The following ZNF66 variants were observed in gnomAD, a reference collection of about 807,000 sequenced individuals.
ZNF66 encodes putative zinc finger protein 66.
In ZNF66, 32 loss-of-function variants were observed where a neutral mutation model predicts 35.2. The observed-to-expected ratio is 0.91, with a 90% confidence interval of 0.69 to 1.22. ZNF66 has a LOEUF of 1.22. ZNF66 is among the 50% of genes most tolerant of loss of function. ZNF66 has a pLI of 0.00. For synonymous variants in ZNF66, 231 were observed against 181.3 expected, an observed-to-expected ratio of 1.27 and a Z score of -2.20; for missense variants, 666 against 543.1, an observed-to-expected ratio of 1.23 and a Z score of -2.25.
intron 1 of ZNF66, among the ~76,000 whole-genome samples, chr19:20,790,735 AAGG>A (rs1235221602): frequency 2.3e-5 from 3 of 130,016 alleles, no homozygotes; most frequent in Non-Finnish European, 3.5e-5. Context: ...AATTCCAGAG[AAGG>A]AGGAGATCAG....
At chr19:20,777,357 T>C (rs1178564226) in intron 1 of ZNF66, among the ~76,000 whole-genome samples, 1 of 151,812 alleles carries the variant, frequency 6.6e-6, no homozygotes, top group Admixed American at 6.6e-5. Flanking sequence ...TTCCTGGTTA[T>C]GTAATTAGAG....
intron 1 of ZNF66, among the ~76,000 whole-genome samples, chr19:20,780,853 A>AC (rs1476837940): frequency 2.0e-5 from 3 of 151,054 alleles, no homozygotes; most frequent in Non-Finnish European, 4.4e-5. Flanking sequence ...CTGATTACAG[A>AC]CCCCCTTTTC....
At chr19:20,792,285 C>G (rs1321963695) in intron 1 of ZNF66, among the ~76,000 whole-genome samples, 1 of 148,122 alleles carries the variant, frequency 6.8e-6, no homozygotes, top group Non-Finnish European at 1.5e-5. Context: ...AGTTTATTTT[C>G]TAGAAAAATA....
chr19:20,778,384 G>T (rs1971214978), intron 1 of ZNF66, among the ~76,000 whole-genome samples: 1 of 152,200 alleles, frequency 6.6e-6, no homozygotes, highest in African/African-American at 2.4e-5. Flanking sequence ...AGAGGCGTGA[G>T]CCACAGTGCC....
Position 20,792,664 on chromosome 19 carries a change from CATAAT to C in ZNF66, c.130+30_130+34del, listed in dbSNP as rs150519300. The C allele has an allele frequency of 2.7e-3, 3,145 of 1,147,918 alleles. 132 individuals are homozygous for C. The East Asian group carries it at 0.075, about 27-fold the overall frequency. The allele number at this position is 1,147,918 out of a possible 1,614,324, so 71.1% of individuals were successfully genotyped here. A position where few individuals can be genotyped will look rare whatever the true frequency, so the allele number is the denominator to read the frequency against. ...GTGAGAAAAACTTTAATACATAACT[CATAAT>C]ATACACAAATTGTTTTATTTCTCTT... On this transcript the variant is annotated intron_variant, in intron 2 of 3. Coordinates refer to ENST00000344519, the MANE Select transcript of ZNF66 (RefSeq NM_001355197.2).
intron 3 of ZNF66, among the ~76,000 whole-genome samples, chr19:20,805,124 TGTGAGAGAGA>T (rs932985644): frequency 1.4e-5 from 2 of 144,472 alleles, no homozygotes; most frequent in Admixed American, 6.8e-5. Flanking sequence ...TGTGTGTGTG[TGTGAGAGAGA>T]GAGAGAGAGA....
At chr19:20,791,144 G>C (rs1971333098) in intron 1 of ZNF66, among the ~76,000 whole-genome samples, 1 of 152,140 alleles carries the variant, frequency 6.6e-6, no homozygotes, top group Non-Finnish European at 1.5e-5. Flanking sequence ...TAATGTTGAG[G>C]CTCCATTCAT....
intron 3 of ZNF66, among the ~76,000 whole-genome samples, chr19:20,795,954 T>A (rs1971388130): frequency 6.6e-6 from 1 of 152,162 alleles, no homozygotes; most frequent in South Asian, 2.1e-4. Flanking sequence ...GTCCTGCAGT[T>A]TCCCACCTGA....
In ZNF66 at chr19:20,807,582, CTT is replaced by C. The variant is rs4026921; in HGVS notation, c.*274_*275del. ...AGCCTATAACAATTTTCAATCAATTCTTTTTTTTTTTTTTTGAGATGAAGTTT... is the reference window on the plus strand; with the variant it reads ...AGCCTATAACAATTTTCAATCAATTCTTTTTTTTTTTTTGAGATGAAGTTT... On this transcript the variant is annotated 3_prime_UTR_variant, in exon 4 of 4. Transcript: ENST00000344519. Among the ~76,000 whole-genome samples, 13,827 of 142,890 alleles carry C rather than the reference CTT, an allele frequency of 0.097. 617 individuals are homozygous for C. The highest frequency in any genetic ancestry group is 0.13 in the Middle Eastern group (34 of 266). The allele number at this position is 142,890 out of a possible 152,430, so 93.7% of individuals were successfully genotyped here.
chr19:20,787,097 T>C (rs1257288950), intron 1 of ZNF66, among the ~76,000 whole-genome samples: 1 of 152,164 alleles, frequency 6.6e-6, no homozygotes, highest in Non-Finnish European at 1.5e-5. Context: ...CATTATGATA[T>C]ATATCTAATT....
chr19:20,806,238 C>A lies in ZNF66; in HGVS notation c.638C>A (p.Ser213Tyr), dbSNP rs776876126. The A allele has an allele frequency of 3.4e-5, 49 of 1,428,982 alleles. No homozygotes were observed. The South Asian group carries it at 5.4e-4, about 16-fold the overall frequency. 88.5% of individuals were successfully genotyped at this position (1,428,982 alleles called of 1,614,324 possible). A position where few individuals can be genotyped will look rare whatever the true frequency, so the allele number is the denominator to read the frequency against. ...CIECGKAFNR[S>Y]SHLTTHKIIH... is the part of the protein sequence containing the mutation. ...GAATGTGGCAAAGCCTTCAACCGGT[C>A]CTCACACCTTACTACACATAAGATA... The change falls in exon 4 of 4, where the codon TCC becomes TAC. Residue 213 changes from serine to tyrosine, a missense_variant. By Grantham distance (144) the Ser-to-Tyr change is moderately radical. Transcript: ENST00000344519.
chr19:20,806,113 C>A lies in ZNF66; in HGVS notation c.513C>A (p.Asn171Lys), dbSNP rs1044909568. 1 of 990,878 alleles carries A rather than the reference C, an allele frequency of 1.0e-6. No homozygotes were observed. Among genetic ancestry groups the A allele is most frequent in the Non-Finnish European group, 1.6e-6 (1 of 621,276 alleles). The allele number at this position is 990,878 out of a possible 1,614,324, so 61.4% of individuals were successfully genotyped here. A position where few individuals can be genotyped will look rare whatever the true frequency, so the allele number is the denominator to read the frequency against. Residue 171 changes from asparagine (N) to lysine (K), a missense_variant, in exon 4 of 4, where the codon AAC becomes AAA. Transcript: ENST00000344519. Reference sequence around the variant, plus strand: ...ATAAGATAAGACATACTGGAAAAAACCCTTGCAAATTTACAGAATGTGGCA... The same window carrying A: ...ATAAGATAAGACATACTGGAAAAAAACCTTGCAAATTTACAGAATGTGGCA... ...NRHKIRHTGK[N>K]PCKFTECGKA...
In ZNF66 at chr19:20,807,599, A is replaced by G. The variant is rs1449699356; in HGVS notation, c.*277A>G. Among the ~76,000 whole-genome samples the G allele has an allele frequency of 4.3e-5, 6 of 139,836 alleles. No individual in the cohort carries two copies. In the East Asian group the frequency reaches 1.2e-3, roughly 29 times the overall value. The allele number at this position is 139,836 out of a possible 152,430, so 91.7% of individuals were successfully genotyped here. A position where few individuals can be genotyped will look rare whatever the true frequency, so the allele number is the denominator to read the frequency against. On this transcript the variant is annotated 3_prime_UTR_variant, in exon 4 of 4. Coordinates refer to ENST00000344519, the MANE Select transcript of ZNF66 (RefSeq NM_001355197.2). ...AATCAATTCTTTTTTTTTTTTTTTGAGATGAAGTTTCATGCTTGTCACCCA... is the reference window on the plus strand; with the variant it reads ...AATCAATTCTTTTTTTTTTTTTTTGGGATGAAGTTTCATGCTTGTCACCCA...
intron 1 of ZNF66, among the ~76,000 whole-genome samples, chr19:20,785,764 T>C (rs368315049): frequency 1.6e-5 from 2 of 128,206 alleles, no homozygotes; most frequent in East Asian, 2.0e-4. Flanking sequence ...TTTGTTTGTT[T>C]GTTTGTTTGT....
rs1282447872 is a variant in ZNF66, at chr19:20,807,754, A to T, written c.*432A>T. ...GGAGCCAAGATGGCTGAATAGGTAC[A>T]GCTCCTGTCTACAGCTCCCAGCCTG... On this transcript the variant is annotated 3_prime_UTR_variant, in exon 4 of 4. Transcript: ENST00000344519. 2.6e-5 allele frequency among the ~76,000 whole-genome samples: 4 copies of T among 152,212 alleles called. No homozygotes were observed. The highest frequency in any genetic ancestry group is 5.9e-5 in the Non-Finnish European group (4 of 68,018).
At chr19:20,792,104 C>T (rs193160113) in intron 1 of ZNF66, among the ~76,000 whole-genome samples, 1 of 152,134 alleles carries the variant, frequency 6.6e-6, no homozygotes, top group East Asian at 1.9e-4. Context: ...TTCAAAAAAT[C>T]AGACTTTATT....
At chr19:20,800,105 C>G (rs1413901446) in intron 3 of ZNF66, among the ~76,000 whole-genome samples, 2 of 152,178 alleles carry the variant, frequency 1.3e-5, no homozygotes, top group Admixed American at 1.3e-4. Flanking sequence ...TAGCCTCAGC[C>G]TCCTGGGCTC....
intron 1 of ZNF66, among the ~76,000 whole-genome samples, chr19:20,781,447 A>C (rs966643086): frequency 2.0e-5 from 3 of 151,132 alleles, no homozygotes; most frequent in Admixed American, 2.0e-4. Context: ...GTGTGTTCTT[A>C]TTATTTAGCT....
In ZNF66 at chr19:20,809,921, G is replaced by C. The variant is rs1428940590; in HGVS notation, c.*2599G>C. Among the ~76,000 whole-genome samples the C allele has an allele frequency of 6.6e-6, 1 of 152,146 alleles. No individual in the cohort carries two copies. Among genetic ancestry groups the C allele is most frequent in the African/African-American group, 2.4e-5 (1 of 41,426 alleles). On this transcript the variant is annotated 3_prime_UTR_variant, in exon 4 of 4. Transcript: ENST00000344519. ...AATAGTCAAGACCCATCAGGGTGCT[G>C]TATTCAGGAAACCCATCTCACGTGC... is the stretch of plus-strand genomic sequence containing the variant.
Sources: gnomAD v4.1 joint callset for allele counts (sites outside exome capture counted in the v4.1 genomes callset) on GRCh38, gnomAD v4.1.1 for gene constraint, MANE v1.5 for transcripts, NCBI Gene and HGNC (gene_info 2026-07-23, HGNC 2026-07-21) for gene names.